The following FLACC1 variants were observed in gnomAD, a reference collection of about 807,000 sequenced individuals.
FLACC1 encodes flagellum-associated coiled-coil domain-containing protein 1.
FLACC1 carries 66 observed loss-of-function variants against 62.8 expected under a neutral mutation model. That is an observed-to-expected ratio of 1.05 (90% confidence interval 0.86 to 1.29). FLACC1 has a LOEUF of 1.29. Ranked by LOEUF, FLACC1 falls within the 50% of genes most tolerant of loss-of-function variation. FLACC1 has a pLI of 0.00. For missense variants in FLACC1, 452 were observed against 489.1 expected (o/e 0.92, Z 0.71); for synonymous variants, 156 against 161.0 (o/e 0.97, Z 0.24).
chr2:201,333,012 T>C (rs975829094), intron 7 of FLACC1, among the ~76,000 whole-genome samples: 1 of 152,212 alleles, frequency 6.6e-6, no homozygotes, highest in Non-Finnish European at 1.5e-5. Flanking sequence ...TAGTACTGAA[T>C]TGAACATGGG....
upstream of FLACC1, among the ~76,000 whole-genome samples, chr2:201,360,157 G>A (rs1206078346): frequency 2.0e-5 from 3 of 152,190 alleles, no homozygotes; most frequent in Admixed American, 6.5e-5. Flanking sequence ...GGAAATGAAG[G>A]TGTTTAGGGG....
chr2:201,296,074 C>G (rs968411810), intron 12 of FLACC1, among the ~76,000 whole-genome samples: 2 of 152,090 alleles, frequency 1.3e-5, no homozygotes, highest in Non-Finnish European at 2.9e-5. Context: ...GGACTGTAAA[C>G]TAGTTCAACC....
chr2:201,354,564 G>A (rs1951084175), intron 1 of FLACC1, among the ~76,000 whole-genome samples: 1 of 152,078 alleles, frequency 6.6e-6, no homozygotes. Context: ...GGCCTGTTAG[G>A]GCCAAGTCAA....
intron 9 of FLACC1, among the ~76,000 whole-genome samples, chr2:201,327,485 T>C (rs545980150): frequency 6.6e-6 from 1 of 151,944 alleles, no homozygotes; most frequent in East Asian, 1.9e-4. Flanking sequence ...AATAATCCCA[T>C]TAAAAAGTGG....
chr2:201,310,196 C>T lies in FLACC1; in HGVS notation c.676-946G>A, dbSNP rs540056622. ...TCAGGTTAGCAGAAGGATTCACACC[C>T]GACCTATTCTATTTACCACTCACAC... On this transcript the variant is annotated intron_variant, in intron 9 of 14. Coordinates refer to ENST00000392257, the MANE Select transcript of FLACC1 (RefSeq NM_001127391.3). Among the ~76,000 whole-genome samples, 6 of 152,212 alleles carry T rather than the reference C, an allele frequency of 3.9e-5. No individual in the cohort carries two copies. In the South Asian group the frequency reaches 8.3e-4, roughly 21 times the overall value.
chr2:201,309,482 A>C (rs550314329), intron 9 of FLACC1, among the ~76,000 whole-genome samples: 1 of 152,284 alleles, frequency 6.6e-6, no homozygotes, highest in East Asian at 1.9e-4. Context: ...TATGGAACCC[A>C]AAGGTCAAGG....
At chr2:201,334,735 A>T (rs1950659366) in intron 7 of FLACC1, among the ~76,000 whole-genome samples, 1 of 151,308 alleles carries the variant, frequency 6.6e-6, no homozygotes, top group Non-Finnish European at 1.5e-5. Flanking sequence ...GTGAGCCAAG[A>T]TCGCACCATT....
chr2:201,354,712 G>GTT (rs1951086763), intron 1 of FLACC1, among the ~76,000 whole-genome samples: 1 of 152,190 alleles, frequency 6.6e-6, no homozygotes, highest in Admixed American at 6.5e-5. Flanking sequence ...TTAGAACCTT[G>GTT]TATCTGCTTC....
At chr2:201,302,120 A>G (rs1451435754) in intron 11 of FLACC1, among the ~76,000 whole-genome samples, 1 of 152,256 alleles carries the variant, frequency 6.6e-6, no homozygotes, top group Non-Finnish European at 1.5e-5. Flanking sequence ...AAATGCTCCA[A>G]TTAAAAGACA....
At chr2:201,345,359 A>G (rs1328659392) in intron 5 of FLACC1, among the ~76,000 whole-genome samples, 2 of 151,938 alleles carry the variant, frequency 1.3e-5, no homozygotes, top group African/African-American at 2.4e-5. Context: ...GGGCCTTCAG[A>G]CTCACCCTCA....
intron 6 of FLACC1, among the ~76,000 whole-genome samples, chr2:201,343,923 A>T (rs566431567): frequency 5.3e-5 from 8 of 152,192 alleles, no homozygotes; most frequent in Non-Finnish European, 1.0e-4. Flanking sequence ...ACACACACAG[A>T]GGTACTTGGA....
At chr2:201,321,612 G>A (rs1950404889) in intron 9 of FLACC1, among the ~76,000 whole-genome samples, 1 of 152,130 alleles carries the variant, frequency 6.6e-6, no homozygotes, top group Non-Finnish European at 1.5e-5. Flanking sequence ...CATAGGAGGG[G>A]CACCCTCTAG....
intron 9 of FLACC1, 99 bp downstream of exon 9, chr2:201,330,370 AG>A (rs1950568102): frequency 1.7e-6 from 2 of 1,193,122 alleles, no homozygotes; most frequent in African/African-American, 3.1e-5. Flanking sequence ...TGGGAATCTC[AG>A]GACATTATTT....
intron 1 of FLACC1, among the ~76,000 whole-genome samples, chr2:201,354,925 T>A (rs952815369): frequency 1.3e-5 from 2 of 152,176 alleles, no homozygotes; most frequent in South Asian, 2.1e-4. Context: ...ATTTGATGAA[T>A]ATTTCTTACC....
intron 12 of FLACC1, among the ~76,000 whole-genome samples, chr2:201,295,108 A>G (rs528394228): frequency 4.3e-4 from 65 of 152,328 alleles, no homozygotes; most frequent in African/African-American, 1.5e-3. Flanking sequence ...TATAGATTCA[A>G]TGCCATCCCC....
At chr2:201,308,499 G>A (rs1048100839) in intron 10 of FLACC1, among the ~76,000 whole-genome samples, 5 of 152,164 alleles carry the variant, frequency 3.3e-5, no homozygotes, top group Admixed American at 3.3e-4. Flanking sequence ...TGTGGTTGGC[G>A]TGGAATGCGG....
chr2:201,334,871 T>C (rs1233875417), intron 7 of FLACC1, among the ~76,000 whole-genome samples: 1 of 152,032 alleles, frequency 6.6e-6, no homozygotes, highest in South Asian at 2.1e-4. Flanking sequence ...GAATTGATGT[T>C]AGTTCTTATT....
At chr2:201,342,703 G>A (rs1279831864) in intron 6 of FLACC1, among the ~76,000 whole-genome samples, 1 of 151,956 alleles carries the variant, frequency 6.6e-6, no homozygotes, top group African/African-American at 2.4e-5. Flanking sequence ...ATTTTTTTTG[G>A]GTAGGTCTGG....
At chr2:201,299,345 C>A (rs1224820027) in intron 11 of FLACC1, 45 bp from the exon 12 acceptor site, 3 of 1,534,264 alleles carry the variant, frequency 2.0e-6, no homozygotes, top group Non-Finnish European at 2.7e-6. Flanking sequence ...GTGGTTCTGG[C>A]ACATCTTCTA....
Sources: gnomAD v4.1 joint callset for allele counts (sites outside exome capture counted in the v4.1 genomes callset) on GRCh38, gnomAD v4.1.1 for gene constraint, MANE v1.5 for transcripts, NCBI Gene and HGNC (gene_info 2026-07-23, HGNC 2026-07-21) for gene names.